The following SEPTIN7 variants were observed in gnomAD, a reference collection of about 807,000 sequenced individuals.
The protein encoded by SEPTIN7 is septin 7.
A neutral mutation model predicts 63.3 loss-of-function variants in SEPTIN7; 10 were observed. That is an observed-to-expected ratio of 0.16 (90% CI 0.10 to 0.27). SEPTIN7 has a LOEUF of 0.27. SEPTIN7 is among the 10% of genes least tolerant of loss of function. The pLI, the probability that SEPTIN7 is intolerant of heterozygous loss-of-function variation, is 1.00. For synonymous variants in SEPTIN7, 131 were observed against 165.3 expected (o/e 0.79, Z 1.59); for missense variants, 310 against 521.0 (o/e 0.59, Z 3.94).
intron 11 of SEPTIN7, among the ~76,000 whole-genome samples, chr7:35,897,741 TA>T (rs1562589477): frequency 6.6e-6 from 1 of 152,190 alleles, no homozygotes; most frequent in East Asian, 1.9e-4. Context: ...AATAGTGCTC[TA>T]GGTATTGACT....
At position 35,890,653 on chromosome 7, in the gene SEPTIN7, G is replaced by A; in HGVS notation, c.873-15G>A. 1.4e-6 allele frequency: 2 copies of A among 1,452,506 alleles called. No homozygotes were observed. The highest frequency in any genetic ancestry group is 1.6e-5 in the South Asian group (1 of 63,364). 90.0% of individuals were successfully genotyped at this position (1,452,506 alleles called of 1,614,324 possible). ...CTATTAATAGAAGCAAACTCTTGCT[G>A]TTTGTTTATGACAGAACACACATGC... is the stretch of plus-strand genomic sequence containing the variant. On this transcript the variant is annotated splice_polypyrimidine_tract_variant and intron_variant, in intron 10 of 13. Coordinates refer to ENST00000350320, the MANE Select transcript of SEPTIN7 (RefSeq NM_001788.6).
At chr7:35,858,099 G>C (rs575595580) in intron 3 of SEPTIN7, among the ~76,000 whole-genome samples, 1 of 151,626 alleles carries the variant, frequency 6.6e-6, no homozygotes, top group East Asian at 1.9e-4. Context: ...TGTGCCACCG[G>C]GACAGGGTAA....
At chr7:35,838,473 C>T (rs1784246380) in intron 3 of SEPTIN7, 2 of 149,176 alleles carry the variant, frequency 1.3e-5, no homozygotes, top group African/African-American at 2.5e-5. Flanking sequence ...GGGTTCAAGT[C>T]ATCCTCTCCC....
intron 1 of SEPTIN7, among the ~76,000 whole-genome samples, chr7:35,821,507 T>TA (rs1453494478): frequency 6.6e-6 from 1 of 152,214 alleles, no homozygotes; most frequent in Non-Finnish European, 1.5e-5. Context: ...TCACTTGTCT[T>TA]TAGAACTCAT....
At chr7:35,804,026 G>A (rs1482393394) in intron 1 of SEPTIN7, among the ~76,000 whole-genome samples, 1 of 152,146 alleles carries the variant, frequency 6.6e-6, no homozygotes, top group Non-Finnish European at 1.5e-5. Flanking sequence ...TGGTCAAAAT[G>A]TACAGTATGG....
intron 13 of SEPTIN7, 57 bp from the exon 14 acceptor site, chr7:35,904,197 G>T: frequency 7.6e-7 from 1 of 1,314,502 alleles, no homozygotes; most frequent in Non-Finnish European, 1.0e-6. Flanking sequence ...TTATCATGTT[G>T]TCTATCATGT....
intron 3 of SEPTIN7, among the ~76,000 whole-genome samples, chr7:35,851,924 C>T (rs1417491091): frequency 1.3e-5 from 2 of 152,058 alleles, no homozygotes; most frequent in Non-Finnish European, 2.9e-5. Flanking sequence ...ATTTTGAGGC[C>T]AGTACCCTTT....
chr7:35,859,365 CTT>C (rs1193254841), intron 3 of SEPTIN7, among the ~76,000 whole-genome samples: 1 of 152,060 alleles, frequency 6.6e-6, no homozygotes, highest in African/African-American at 2.4e-5. Context: ...GGAAAAAATG[CTT>C]TGTTTGATTT....
At position 35,903,258 on chromosome 7, in the gene SEPTIN7, T is replaced by C. The variant is rs1009880216; in HGVS notation, c.1274+43T>C. On this transcript the variant is annotated intron_variant, in intron 13 of 13. Transcript: ENST00000350320. ...ACTAAGAAATGTGTGTATTAATGTT[T>C]TAAAGAATTGTTTTCCTACTTATTT... is the stretch of plus-strand genomic sequence containing the variant. 4.7e-6 allele frequency: 7 copies of C among 1,481,488 alleles called. No homozygotes were observed. The African/African-American group carries it at 8.6e-5, about 18-fold the overall frequency. The allele number at this position is 1,481,488 out of a possible 1,614,324, so 91.8% of individuals were successfully genotyped here.
chr7:35,862,258 T>C (rs547666439), intron 3 of SEPTIN7, among the ~76,000 whole-genome samples: 14 of 152,226 alleles, frequency 9.2e-5, no homozygotes, highest in Middle Eastern at 3.4e-3. Context: ...CTTTGTCCTC[T>C]GTCATCTTGT....
intron 3 of SEPTIN7, chr7:35,847,173 C>CA (rs149785450): frequency 0.055 from 8,768 of 159,086 alleles, 731 homozygotes; most frequent in African/African-American, 0.18. Context: ...CTTGTGCACA[C>CA]AGTCGTGCAG....
At chr7:35,914,998 A>G in the SEPTIN7 span, among the ~76,000 whole-genome samples, 1 of 151,988 alleles carries the variant, frequency 6.6e-6, no homozygotes, top group East Asian at 1.9e-4. Context: ...GTGTGTACAC[A>G]TATAATGTAT....
chr7:35,848,935 A>C (rs1784824525), intron 3 of SEPTIN7, among the ~76,000 whole-genome samples: 2 of 152,198 alleles, frequency 1.3e-5, no homozygotes, highest in Admixed American at 1.3e-4. Flanking sequence ...TAGCAAGTGA[A>C]AGCTGTTTGA....
At chr7:35,801,548 C>T (rs1374013334) in intron 1 of SEPTIN7, among the ~76,000 whole-genome samples, 3 of 151,272 alleles carry the variant, frequency 2.0e-5, no homozygotes, top group African/African-American at 7.3e-5. Flanking sequence ...AGAGCCGCGG[C>T]CTCCGCGGCC....
chr7:35,806,694 C>T (rs1314330378), intron 1 of SEPTIN7, among the ~76,000 whole-genome samples: 1 of 152,206 alleles, frequency 6.6e-6, no homozygotes, highest in Non-Finnish European at 1.5e-5. Context: ...AGTTCTCCTT[C>T]TACTGCCCCA....
chr7:35,860,736 C>T (rs908201197), intron 3 of SEPTIN7, among the ~76,000 whole-genome samples: 2 of 152,188 alleles, frequency 1.3e-5, no homozygotes, highest in African/African-American at 4.8e-5. Flanking sequence ...AGGATTCTGT[C>T]TATGCAGTGA....
At position 35,905,920 on chromosome 7, in the gene SEPTIN7, T is replaced by A. The variant is rs751310597; in HGVS notation, c.*1627T>A. On this transcript the variant is annotated 3_prime_UTR_variant, in exon 14 of 14. Transcript: ENST00000350320. ...TAAGAAATTAATTAATGTAGCCTAG[T>A]TTATTATCTTGAAATGTTTTACCCT... 6.6e-6 allele frequency: 1 copy of A among 152,212 alleles called. No homozygotes were observed. The highest frequency in any genetic ancestry group is 2.4e-5 in the African/African-American group (1 of 41,454). The allele number at this position is 152,212 out of a possible 1,614,324, so 9.4% of individuals were successfully genotyped here.
At chr7:35,903,588 G>A (rs986179569) in intron 13 of SEPTIN7, among the ~76,000 whole-genome samples, 9 of 151,964 alleles carry the variant, frequency 5.9e-5, no homozygotes, top group South Asian at 2.1e-4. Flanking sequence ...ACATATTTAG[G>A]GGTATGTTTT....
intron 3 of SEPTIN7, among the ~76,000 whole-genome samples, chr7:35,858,503 G>T (rs987238101): frequency 6.6e-6 from 1 of 151,594 alleles, no homozygotes; most frequent in African/African-American, 2.4e-5. Flanking sequence ...TTACAGGCAT[G>T]CCCTGCCACG....
Sources: allele counts gnomAD v4.1 joint callset (sites outside exome capture counted in the v4.1 genomes callset), GRCh38; gene constraint gnomAD v4.1.1; transcripts MANE v1.5; gene names NCBI Gene and HGNC (gene_info 2026-07-23, HGNC 2026-07-21).